KCND2: variants seen among roughly 807,000 people sequenced by gnomAD.
KCND2 encodes potassium voltage-gated channel subfamily D member 2, also known as A-type voltage-gated potassium channel KCND2.
A neutral mutation model predicts 54.4 loss-of-function variants in KCND2; 16 were observed. The observed-to-expected ratio is 0.29, with a 90% CI of 0.20 to 0.45. The LOEUF (loss-of-function observed/expected upper bound fraction) is 0.45, where lower values mean the gene tolerates loss of function less well. Ranked by LOEUF, KCND2 falls within the 20% of genes least tolerant of loss-of-function variation. KCND2 has a pLI of 1.00. For synonymous variants in KCND2, 317 were observed against 310.7 expected (o/e 1.02, Z -0.21); for missense variants, 486 against 824.2 (o/e 0.59, Z 5.02).
intron 1 of KCND2, among the ~76,000 whole-genome samples, chr7:120,557,972 A>G (rs907875246): frequency 3.3e-5 from 5 of 152,170 alleles, no homozygotes; most frequent in African/African-American, 1.2e-4. Flanking sequence ...TTTGAAATGT[A>G]CAATAGTCCT....
At chr7:120,634,884 G>A (rs937923638) in intron 1 of KCND2, among the ~76,000 whole-genome samples, 2 of 152,122 alleles carry the variant, frequency 1.3e-5, no homozygotes, top group Non-Finnish European at 2.9e-5. Flanking sequence ...GCTCCCCAGC[G>A]TTGCTGTCTA....
chr7:120,733,203 C>T (rs1584900538), intron 2 of KCND2, 138 bp downstream of exon 2: 5 of 792,188 alleles, frequency 6.3e-6, no homozygotes, highest in African/African-American at 3.5e-5. Context: ...TTATTCTACA[C>T]TAAAAAGAAA....
Position 120,363,189 on chromosome 7 carries a change from G to A in KCND2, c.1115+87442G>A, listed in dbSNP as rs552699529. ...TGCATGCCTGTAGTCATAGCTACTC[G>A]GGTGGCTGAGGAAAGAGGGTGACTT... On this transcript the variant is annotated intron_variant, in intron 1 of 5. Transcript: ENST00000331113. Among the ~76,000 whole-genome samples the A allele has an allele frequency of 1.5e-4, 23 of 152,082 alleles. No individual in the cohort carries two copies. The South Asian group carries it at 2.1e-3, about 14-fold the overall frequency.
chr7:120,691,786 A>C (rs1166872152), intron 1 of KCND2, among the ~76,000 whole-genome samples: 1 of 152,156 alleles, frequency 6.6e-6, no homozygotes, highest in Non-Finnish European at 1.5e-5. Flanking sequence ...ATCACAGAGA[A>C]ATGGTGCTGA....
intron 1 of KCND2, among the ~76,000 whole-genome samples, chr7:120,543,126 T>C (rs1792001694): frequency 6.6e-6 from 1 of 151,988 alleles, no homozygotes; most frequent in African/African-American, 2.4e-5. Context: ...TCTTTAAAAA[T>C]CCAAGCAACA....
intron 1 of KCND2, among the ~76,000 whole-genome samples, chr7:120,644,413 T>C (rs1302290656): frequency 1.3e-5 from 2 of 152,200 alleles, no homozygotes; most frequent in African/African-American, 4.8e-5. Flanking sequence ...CTGTTCACTT[T>C]ACCAAGGAAA....
intron 1 of KCND2, among the ~76,000 whole-genome samples, chr7:120,426,785 C>G (rs889669048): frequency 2.6e-5 from 4 of 151,858 alleles, no homozygotes; most frequent in African/African-American, 9.7e-5. Flanking sequence ...CCATGCCCGG[C>G]TAATTTTTTG....
chr7:120,655,531 T>C (rs1176828940), intron 1 of KCND2, among the ~76,000 whole-genome samples: 1 of 152,102 alleles, frequency 6.6e-6, no homozygotes, highest in African/African-American at 2.4e-5. Flanking sequence ...ATAAAGTTGT[T>C]TATATGCAGT....
intron 1 of KCND2, among the ~76,000 whole-genome samples, chr7:120,650,768 G>C (rs1368653796): frequency 1.4e-5 from 2 of 143,442 alleles, no homozygotes; most frequent in Non-Finnish European, 3.0e-5. Flanking sequence ...GGTCTTTCAT[G>C]ATGGTGATGT....
chr7:120,635,221 C>T (rs527624233), intron 1 of KCND2, among the ~76,000 whole-genome samples: 1 of 152,238 alleles, frequency 6.6e-6, no homozygotes, highest in African/African-American at 2.4e-5. Context: ...TGTAGCAGGT[C>T]ATCCATAAAT....
intron 1 of KCND2, among the ~76,000 whole-genome samples, chr7:120,554,530 T>C (rs1389317013): frequency 6.6e-6 from 1 of 152,048 alleles, no homozygotes; most frequent in Non-Finnish European, 1.5e-5. Context: ...TGCCTCAGCC[T>C]CCCGAGTAGC....
intron 1 of KCND2, among the ~76,000 whole-genome samples, chr7:120,610,903 T>G (rs1042606329): frequency 1.3e-5 from 2 of 152,182 alleles, no homozygotes; most frequent in Non-Finnish European, 2.9e-5. Context: ...GCCTGTCCTT[T>G]TGTTCTCTTC....
intron 1 of KCND2, among the ~76,000 whole-genome samples, chr7:120,486,206 G>A (rs1298665373): frequency 6.6e-6 from 1 of 152,042 alleles, no homozygotes; most frequent in East Asian, 1.9e-4. Context: ...TAAAATAAAT[G>A]AAAACATAAA....
intron 1 of KCND2, among the ~76,000 whole-genome samples, chr7:120,351,339 G>A (rs541045950): frequency 1.4e-5 from 2 of 141,696 alleles, no homozygotes; most frequent in African/African-American, 5.2e-5. Context: ...GTTTAAATGG[G>A]ATCATCTCAA....
chr7:120,388,695 C>G (rs557145142), intron 1 of KCND2, among the ~76,000 whole-genome samples: 1 of 152,038 alleles, frequency 6.6e-6, no homozygotes, highest in East Asian at 1.9e-4. Flanking sequence ...CCGAGCTCCC[C>G]ATGTGGGCAT....
At chr7:120,458,538 T>C (rs1166604412) in intron 1 of KCND2, among the ~76,000 whole-genome samples, 5 of 152,198 alleles carry the variant, frequency 3.3e-5, no homozygotes, top group Non-Finnish European at 7.3e-5. Flanking sequence ...GCAGTTCATA[T>C]TCCTTGATTT....
rs759117657 is a variant in KCND2 at position 120,732,883 on chromosome 7, A to G, written c.1116-20A>G. The G allele has an allele frequency of 1.3e-6, 2 of 1,598,684 alleles. No individual in the cohort carries two copies. Among genetic ancestry groups the G allele is most frequent in the Non-Finnish European group, 1.7e-6 (2 of 1,166,470 alleles). On this transcript the variant is annotated intron_variant, in intron 1 of 5. Transcript: ENST00000331113. ...TTCTGTGACTTAAAACAATATATATATATTTTTTCTTTAACTCAGGTATGG... is the reference window on the plus strand; with the variant it reads ...TTCTGTGACTTAAAACAATATATATGTATTTTTTCTTTAACTCAGGTATGG...
intron 1 of KCND2, among the ~76,000 whole-genome samples, chr7:120,294,600 C>T (rs977601473): frequency 5.3e-5 from 8 of 151,792 alleles, no homozygotes; most frequent in African/African-American, 1.9e-4. Context: ...AGAGAACATA[C>T]ATATAGGTTC....
intron 1 of KCND2, among the ~76,000 whole-genome samples, chr7:120,635,580 C>A (rs1308804719): frequency 6.6e-6 from 1 of 152,164 alleles, no homozygotes; most frequent in Admixed American, 6.5e-5. Context: ...TTACTTCCTT[C>A]GGAGTAGATA....
Sources: allele counts gnomAD v4.1 joint callset (sites outside exome capture counted in the v4.1 genomes callset), GRCh38; gene constraint gnomAD v4.1.1; transcripts MANE v1.5; gene names NCBI Gene and HGNC (gene_info 2026-07-23, HGNC 2026-07-21).